AGAP1: variants seen among roughly 807,000 people sequenced by gnomAD.
AGAP1 encodes arf-GAP with GTPase, ANK repeat and PH domain-containing protein 1.
A neutral mutation model predicts 105.3 loss-of-function variants in AGAP1; 29 were observed. The observed-to-expected ratio is 0.28, with a 90% CI of 0.21 to 0.38. The LOEUF (loss-of-function observed/expected upper bound fraction) is 0.38, where lower values mean the gene tolerates loss of function less well. Ranked by LOEUF, AGAP1 falls within the 10% of genes least tolerant of loss-of-function variation. AGAP1 has a pLI of 1.00. For synonymous variants in AGAP1, 509 were observed against 485.9 expected, an observed-to-expected ratio of 1.05 and a Z score of -0.63; for missense variants, 998 against 1,165.1, an observed-to-expected ratio of 0.86 and a Z score of 2.09.
At position 236,109,689 on chromosome 2, in the gene AGAP1, G is replaced by A. The variant is rs757926988; in HGVS notation, c.2115-10503G>A. 2.0e-4 allele frequency among the ~76,000 whole-genome samples: 31 copies of A among 152,248 alleles called. No individual in the cohort carries two copies. Among genetic ancestry groups the A allele is most frequent in the Non-Finnish European group, 3.5e-4 (24 of 68,020 alleles). On this transcript the variant is annotated intron_variant, in intron 16 of 17. Transcript: ENST00000304032. The surrounding 1 kb of genome is among the most constrained non-coding windows in gnomAD (Gnocchi z 5.4). ...GCGTCGGTGCTCTGGACCGGCAGCC[G>A]TGGAAACGTTCTGGATCCGAGCATC...
intron 1 of AGAP1, chr2:235,524,569 C>T (rs143652018): frequency 2.6e-5 from 5 of 193,624 alleles, no homozygotes; most frequent in South Asian, 8.0e-5. Flanking sequence ...CACTACTGCC[C>T]GCCCACCATG....
At chr2:235,670,640 C>T (rs1394906609) in intron 1 of AGAP1, 5 of 629,022 alleles carry the variant, frequency 7.9e-6, no homozygotes, top group South Asian at 3.4e-5. Flanking sequence ...CTCCGGGAGC[C>T]TGGCCTGGGC....
chr2:235,499,678 C>G (rs1340157591), intron 1 of AGAP1, among the ~76,000 whole-genome samples: 1 of 152,210 alleles, frequency 6.6e-6, no homozygotes, highest in Non-Finnish European at 1.5e-5. Context: ...GTTGCTCACC[C>G]TGCGAGGCTC....
chr2:236,100,922 A>G (rs2059331014), intron 16 of AGAP1, among the ~76,000 whole-genome samples: 1 of 152,048 alleles, frequency 6.6e-6, no homozygotes. Flanking sequence ...AGTCTGTAAT[A>G]AAATTTCAGT....
At chr2:235,902,167 G>C (rs1395521845) in intron 10 of AGAP1, among the ~76,000 whole-genome samples, 1 of 152,162 alleles carries the variant, frequency 6.6e-6, no homozygotes, top group Admixed American at 6.5e-5. Flanking sequence ...TCAGTCTGTT[G>C]TGATAGGTTG....
rs530392927 is a variant in AGAP1 at position 235,882,405 on chromosome 2, G to A, written c.1051-940G>A. On this transcript the variant is annotated intron_variant, in intron 9 of 17. Transcript: ENST00000304032. This position sits in a 1 kb window ranked among gnomAD's most constrained non-coding sequence, Gnocchi z 4.6. Reference sequence around the variant, plus strand: ...CTTCTGCCCAGTGGTCTCTTTGGTCGGCAGGGTGTTCTTCTCCTGCGTCTC... The same window carrying A: ...CTTCTGCCCAGTGGTCTCTTTGGTCAGCAGGGTGTTCTTCTCCTGCGTCTC... 16 of 1,580,164 alleles carry A rather than the reference G, an allele frequency of 1.0e-5. No homozygotes were observed. Among genetic ancestry groups the A allele is most frequent in the South Asian group, 6.7e-5 (6 of 89,496 alleles).
chr2:235,797,374 C>T (rs1315281977), intron 6 of AGAP1, among the ~76,000 whole-genome samples: 1 of 151,998 alleles, frequency 6.6e-6, no homozygotes, highest in Non-Finnish European at 1.5e-5. Context: ...TTCCCAGTGT[C>T]GCCTCGTGTT....
chr2:236,107,564 G>A (rs879595362), intron 16 of AGAP1, among the ~76,000 whole-genome samples: 4 of 152,196 alleles, frequency 2.6e-5, no homozygotes, highest in Non-Finnish European at 5.9e-5. Flanking sequence ...GGCAGGGAGC[G>A]CTAGTGGCAG....
rs184086701 is a variant in AGAP1 at position 235,872,758 on chromosome 2, C to T, written c.1051-10587C>T. ...ACCACTTCCTCCCTAAGGAAAGCGA[C>T]GGGCCCCCTGTCTTCCCCGATTGGT... is the stretch of plus-strand genomic sequence containing the variant. On this transcript the variant is annotated intron_variant, in intron 9 of 17. Coordinates refer to ENST00000304032, the MANE Select transcript of AGAP1 (RefSeq NM_001037131.3). The surrounding 1 kb of genome is among the most constrained non-coding windows in gnomAD (Gnocchi z 4.5). Among the ~76,000 whole-genome samples the T allele has an allele frequency of 2.0e-4, 30 of 152,308 alleles. No homozygotes were observed. The highest frequency in any genetic ancestry group is 1.5e-3 in the East Asian group (8 of 5,180).
At position 236,012,939 on chromosome 2, in the gene AGAP1, G is replaced by T. The variant is rs2056567559; in HGVS notation, c.1646-23622G>T. ...TTTTTGTATTTTTAGTAGAGACGGT[G>T]TTTTGCCATGTTGGCCAGGCTGGTT... On this transcript the variant is annotated intron_variant, in intron 13 of 17. Transcript: ENST00000304032. The surrounding 1 kb of genome is among the most constrained non-coding windows in gnomAD (Gnocchi z 4.9). 6.6e-6 allele frequency among the ~76,000 whole-genome samples: 1 copy of T among 152,126 alleles called. No individual in the cohort carries two copies. The highest frequency in any genetic ancestry group is 1.5e-5 in the Non-Finnish European group (1 of 68,028).
At chr2:235,542,456 C>T (rs923715109) in intron 1 of AGAP1, among the ~76,000 whole-genome samples, 1 of 152,228 alleles carries the variant, frequency 6.6e-6, no homozygotes, top group Non-Finnish European at 1.5e-5. Context: ...CATCAACTCC[C>T]AGCCTCCATC....
chr2:235,999,922 C>T (rs1227815634), intron 13 of AGAP1, among the ~76,000 whole-genome samples: 3 of 152,102 alleles, frequency 2.0e-5, no homozygotes, highest in Non-Finnish European at 4.4e-5. Flanking sequence ...GTGCCCATAA[C>T]AAACCTGCTA....
chr2:236,102,278 G>A (rs566758583), intron 16 of AGAP1, among the ~76,000 whole-genome samples: 72 of 151,620 alleles, frequency 4.7e-4, no homozygotes, highest in Non-Finnish European at 7.8e-4. Context: ...TTAGCCGGGC[G>A]TGGTGGCGGG....
chr2:236,055,447 C>A lies in AGAP1; in HGVS notation c.2114+6166C>A, dbSNP rs1316653155. On this transcript the variant is annotated intron_variant, in intron 16 of 17. Transcript: ENST00000304032. The surrounding 1 kb of genome is among the most constrained non-coding windows in gnomAD (Gnocchi z 6.2). The stretch of plus-strand genomic sequence containing the variant: ...CTTCCAATATAAATTATCATGTGAA[C>A]GCTGTGGTTTTTCTATTTGACAGGC... 6.6e-6 allele frequency among the ~76,000 whole-genome samples: 1 copy of A among 152,218 alleles called. No homozygotes were observed. The highest frequency in any genetic ancestry group is 1.5e-5 in the Non-Finnish European group (1 of 68,050).
At chr2:235,948,805 CCA>C (rs1346599479) in intron 12 of AGAP1, among the ~76,000 whole-genome samples, 3 of 152,122 alleles carry the variant, frequency 2.0e-5, no homozygotes, top group Non-Finnish European at 4.4e-5. Flanking sequence ...CTCCCACTTG[CCA>C]CACAGTCAAG....
Position 235,712,563 on chromosome 2 carries a change from G to C in AGAP1, c.222+3326G>C, listed in dbSNP as rs961741508. On this transcript the variant is annotated intron_variant, in intron 2 of 17. Transcript: ENST00000304032. This position sits in a 1 kb window ranked among gnomAD's most constrained non-coding sequence, Gnocchi z 6.0. ...AACTGGAATTTTTACTAAAAGCCTT[G>C]ATTTCCTTTTCAGCAAACCTCAGGG... Among the ~76,000 whole-genome samples, 11 of 152,210 alleles carry C rather than the reference G, an allele frequency of 7.2e-5. No individual in the cohort carries two copies. Among genetic ancestry groups the C allele is most frequent in the African/African-American group, 2.7e-4 (11 of 41,444 alleles).
intron 1 of AGAP1, among the ~76,000 whole-genome samples, chr2:235,572,743 G>A (rs143984492): frequency 6.6e-6 from 1 of 152,314 alleles, no homozygotes; most frequent in Non-Finnish European, 1.5e-5. Flanking sequence ...TTCCTGCTCT[G>A]GCAGGCCGTT....
rs1459228032 is a variant in AGAP1, at chr2:236,055,999, C to T, written c.2114+6718C>T. On this transcript the variant is annotated intron_variant, in intron 16 of 17. Coordinates refer to ENST00000304032, the MANE Select transcript of AGAP1 (RefSeq NM_001037131.3). The surrounding 1 kb of genome is among the most constrained non-coding windows in gnomAD (Gnocchi z 6.2). ...ACAAATGAGAAGTACGTTAACACTG[C>T]CTTTAAAATAATACCTACAGATTAC... Among the ~76,000 whole-genome samples, 1 of 152,110 alleles carries T rather than the reference C, an allele frequency of 6.6e-6. No individual in the cohort carries two copies. Among genetic ancestry groups the T allele is most frequent in the Admixed American group, 6.6e-5 (1 of 15,266 alleles).
intron 1 of AGAP1, among the ~76,000 whole-genome samples, chr2:235,509,941 G>A (rs1942001642): frequency 6.6e-6 from 1 of 151,968 alleles, no homozygotes; most frequent in Non-Finnish European, 1.5e-5. Context: ...ATCAGCGGCG[G>A]CATTAGATTC....
Sources: gnomAD v4.1 joint callset for allele counts (sites outside exome capture counted in the v4.1 genomes callset) on GRCh38, gnomAD v4.1.1 for gene constraint, Gnocchi (gnomAD v3.1) non-coding constraint, MANE v1.5 for transcripts, NCBI Gene and HGNC (gene_info 2026-07-23, HGNC 2026-07-21) for gene names.